Variants in NBEAL1 observed in about 807,000 individuals in gnomAD.
NBEAL1 encodes neurobeachin like 1.
Under a neutral mutation model 351.3 loss-of-function variants are expected in NBEAL1, and 273 were observed. The ratio of observed to expected loss-of-function variants is 0.78; its 90% CI spans 0.70 to 0.86. NBEAL1 has a LOEUF of 0.86. Among genes scored for constraint, NBEAL1 ranks in the 40% least tolerant of loss-of-function variants. The pLI is 0.00. For missense variants in NBEAL1, 2,961 were observed against 3,201.3 expected, an observed-to-expected ratio of 0.92 and a Z score of 1.81; for synonymous variants, 1,050 against 1,086.4, an observed-to-expected ratio of 0.97 and a Z score of 0.66.
chr2:203,165,904 A>T (rs1333176876), intron 36 of NBEAL1, among the ~76,000 whole-genome samples: 1 of 152,232 alleles, frequency 6.6e-6, no homozygotes, highest in East Asian at 1.9e-4. Context: ...TTAGCTGGGC[A>T]TGGTGGCATG....
intron 2 of NBEAL1, among the ~76,000 whole-genome samples, chr2:203,027,360 C>G (rs2106007155): frequency 6.6e-6 from 1 of 152,280 alleles, no homozygotes; most frequent in East Asian, 1.9e-4. Flanking sequence ...TTAGCCATAT[C>G]TAAGAGATAT....
intron 12 of NBEAL1, among the ~76,000 whole-genome samples, chr2:203,103,767 A>C (rs2062377561): frequency 6.6e-6 from 1 of 151,792 alleles, no homozygotes; most frequent in Non-Finnish European, 1.5e-5. Flanking sequence ...CCCTCTTAAC[A>C]CTGCTTTAGC....
intron 18 of NBEAL1, among the ~76,000 whole-genome samples, chr2:203,120,048 C>T (rs576209044): frequency 1.3e-5 from 2 of 152,192 alleles, no homozygotes; most frequent in African/African-American, 4.8e-5. Context: ...AAATAAAAGT[C>T]TCTGTCTGTA....
Position 203,062,645 on chromosome 2 carries a change from G to A in NBEAL1, c.515+5192G>A, listed in dbSNP as rs2061519528. ...CAGAAAGGGGGGCAAAGTAGAGGAT[G>A]AGTAGCAGCATTTAATGAATGTATG... On this transcript the variant is annotated intron_variant, in intron 6 of 55. Coordinates refer to ENST00000683969, the MANE Select transcript of NBEAL1 (RefSeq NM_001378026.1). The surrounding 1 kb of genome is among the most constrained non-coding windows in gnomAD (Gnocchi z 4.2). Among the ~76,000 whole-genome samples, 1 of 152,246 alleles carries A rather than the reference G, an allele frequency of 6.6e-6. No homozygotes were observed. Among genetic ancestry groups the A allele is most frequent in the South Asian group, 2.1e-4 (1 of 4,836 alleles).
intron 20 of NBEAL1, among the ~76,000 whole-genome samples, 199 bp downstream of exon 20, chr2:203,125,719 A>G (rs1463126548): frequency 6.6e-6 from 1 of 152,202 alleles, no homozygotes; most frequent in Non-Finnish European, 1.5e-5. Flanking sequence ...CAGTATCCTT[A>G]GTTTATACTC....
chr2:203,157,883 A>G lies in NBEAL1; in HGVS notation c.5714+58A>G, dbSNP rs1387561138. The G allele has an allele frequency of 2.2e-6, 3 of 1,343,254 alleles. No homozygotes were observed. In the African/African-American group the frequency reaches 4.5e-5, roughly 20 times the overall value. The allele number at this position is 1,343,254 out of a possible 1,614,324, so 83.2% of individuals were successfully genotyped here. On this transcript the variant is annotated intron_variant, in intron 36 of 55. Transcript: ENST00000683969. ...GAGAAAGGGGATTGCAAAATCGTGG[A>G]AAAGATTTGCTTGAAATTCTAACAC...
chr2:203,082,048 C>T (rs561895530), intron 8 of NBEAL1, among the ~76,000 whole-genome samples: 4 of 152,292 alleles, frequency 2.6e-5, no homozygotes, highest in East Asian at 3.9e-4. Flanking sequence ...GATCATGTCA[C>T]TGCATTTCAA....
intron 18 of NBEAL1, among the ~76,000 whole-genome samples, chr2:203,118,910 T>A (rs965250207): frequency 2.0e-5 from 3 of 152,074 alleles, no homozygotes; most frequent in African/African-American, 7.2e-5. Flanking sequence ...TTTGACATTA[T>A]GGTCATCGTA....
rs138639737 is a variant in NBEAL1, at chr2:203,084,952, C to T, written c.1098+383C>T. 1,450 of 160,566 alleles carry T rather than the reference C, an allele frequency of 9.0e-3. 30 individuals carry two copies. Among genetic ancestry groups the T allele is most frequent in the African/African-American group, 0.033 (1,388 of 41,722 alleles). The allele number at this position is 160,566 out of a possible 1,614,324, so 9.9% of individuals were successfully genotyped here. On this transcript the variant is annotated intron_variant, in intron 10 of 55. Transcript: ENST00000683969. Reference sequence around the variant, plus strand: ...TTTCTCATGGAAACACTGTCTTCTACCACAGTTTGTAGACTCCAAGTTACA... The same window carrying T: ...TTTCTCATGGAAACACTGTCTTCTATCACAGTTTGTAGACTCCAAGTTACA...
At position 203,068,398 on chromosome 2, in the gene NBEAL1, TCC is replaced by T. The variant is rs1657012258; in HGVS notation, c.522_523del (p.Leu175Ter). On this transcript the variant is annotated frameshift_variant, in exon 7 of 56. Coordinates refer to ENST00000683969, the MANE Select transcript of NBEAL1 (RefSeq NM_001378026.1). LOFTEE classifies it high-confidence loss of function. ...TAACTTCTTTTTAATGATAGACGAA[TCC>T]TTAGTACTGTGGAAAAGAGCAGACA... The T allele has an allele frequency of 6.6e-7, 1 of 1,515,596 alleles. No individual in the cohort carries two copies. Among genetic ancestry groups the T allele is most frequent in the Non-Finnish European group, 8.9e-7 (1 of 1,125,910 alleles). The allele number at this position is 1,515,596 out of a possible 1,614,324, so 93.9% of individuals were successfully genotyped here. A position where few individuals can be genotyped will look rare whatever the true frequency, so the allele number is the denominator to read the frequency against.
intron 27 of NBEAL1, among the ~76,000 whole-genome samples, chr2:203,135,101 A>T (rs1253133305): frequency 1.3e-5 from 2 of 151,660 alleles, no homozygotes; most frequent in East Asian, 3.9e-4. Context: ...GCATGAACCT[A>T]GGAGCCGGAG....
chr2:203,039,946 G>A (rs550771366), intron 2 of NBEAL1, among the ~76,000 whole-genome samples: 5 of 152,294 alleles, frequency 3.3e-5, no homozygotes, highest in East Asian at 3.9e-4. Flanking sequence ...TAGATGAAAG[G>A]TGATAAAGGA....
At chr2:203,021,698 C>T (rs2060774655) in intron 2 of NBEAL1, among the ~76,000 whole-genome samples, 1 of 151,940 alleles carries the variant, frequency 6.6e-6, no homozygotes. Flanking sequence ...GTGCTGAGAA[C>T]AATTTTTGTT....
Position 203,183,345 on chromosome 2 carries a change from C to A in NBEAL1, c.6662C>A (p.Ala2221Asp). The change falls in exon 44 of 56, where the codon GCT becomes GAT. Residue 2221 changes from alanine (A) to aspartate (D), a missense_variant. By Grantham distance (126) the Ala-to-Asp change is moderately radical. Coordinates refer to ENST00000683969, the MANE Select transcript of NBEAL1 (RefSeq NM_001378026.1). ...AATGATGTCATTCTCCCGAAATGGGCTAAATCAGCTGAAGATTTCATCTAT... is the reference window on the plus strand; with the variant it reads ...AATGATGTCATTCTCCCGAAATGGGATAAATCAGCTGAAGATTTCATCTAT... Reference protein sequence around the residue: ...LVNDVILPKWAKSAEDFIYKH... With the variant: ...LVNDVILPKWDKSAEDFIYKH... 1 of 1,598,390 alleles carries A rather than the reference C, an allele frequency of 6.3e-7. No individual in the cohort carries two copies. The highest frequency in any genetic ancestry group is 8.5e-7 in the Non-Finnish European group (1 of 1,172,866).
In NBEAL1 at chr2:203,107,988, CCT is replaced by C; in HGVS notation, c.1750_1751del (p.Leu584AspfsTer20). 1 of 1,554,726 alleles carries C rather than the reference CCT, an allele frequency of 6.4e-7. No homozygotes were observed. Among genetic ancestry groups the C allele is most frequent in the Non-Finnish European group, 8.7e-7 (1 of 1,148,004 alleles). On this transcript the variant is annotated frameshift_variant, in exon 14 of 56. Transcript: ENST00000683969. LOFTEE classifies it high-confidence loss of function. ...ATGTCACTCCCGTGACTCGAGCAAT[CCT>C]GACAATGGCCCGAAAACTAAGTCTA... ...PYVTPVTRAI[L>X]TMARKLSLES...
Position 203,170,562 on chromosome 2 carries a change from C to A in NBEAL1, c.6102+711C>A, listed in dbSNP as rs776234550. On this transcript the variant is annotated intron_variant, in intron 39 of 55. Coordinates refer to ENST00000683969, the MANE Select transcript of NBEAL1 (RefSeq NM_001378026.1). ...GTCACTTGGATTTGTTCTGCCAGGA[C>A]GCAAAGGAAAGCCGTTGTTTTTGGC... Among the ~76,000 whole-genome samples the A allele has an allele frequency of 1.5e-4, 23 of 152,114 alleles. 1 individual carries two copies. Among genetic ancestry groups the A allele is most frequent in the Admixed American group, 1.3e-3 (20 of 15,262 alleles).
chr2:203,071,377 T>G (rs2061679059), intron 7 of NBEAL1, among the ~76,000 whole-genome samples: 1 of 152,204 alleles, frequency 6.6e-6, no homozygotes, highest in South Asian at 2.1e-4. Context: ...ACAAGGGCAC[T>G]AGTTCTCTTT....
At chr2:203,040,509 G>A in intron 2 of NBEAL1, 1 of 674,810 alleles carries the variant, frequency 1.5e-6, no homozygotes, top group South Asian at 1.4e-5. Flanking sequence ...TGCTTATAGT[G>A]GAAACTTATG....
intron 36 of NBEAL1, among the ~76,000 whole-genome samples, chr2:203,163,337 A>G (rs1484865712): frequency 1.3e-5 from 2 of 152,204 alleles, no homozygotes; most frequent in African/African-American, 4.8e-5. Flanking sequence ...TTGCTAACTC[A>G]TTCCACTGCA....
Sources: allele counts gnomAD v4.1 joint callset (sites outside exome capture counted in the v4.1 genomes callset), GRCh38; gene constraint gnomAD v4.1.1; non-coding constraint Gnocchi (gnomAD v3.1); transcripts MANE v1.5; gene names NCBI Gene and HGNC (gene_info 2026-07-23, HGNC 2026-07-21).